MSI2: variants seen among roughly 807,000 people sequenced by gnomAD.
MSI2 encodes the protein RNA-binding protein Musashi homolog 2.
MSI2 carries 17 observed loss-of-function variants against 45.6 expected under a neutral mutation model. That is an observed-to-expected ratio of 0.37 (90% CI 0.26 to 0.56). The LOEUF is 0.56. Among genes scored for constraint, MSI2 ranks in the 20% least tolerant of loss-of-function variants. The pLI, the probability that MSI2 is intolerant of heterozygous loss-of-function variation, is 0.77. For synonymous variants in MSI2, 156 were observed against 158.2 expected, an observed-to-expected ratio of 0.99 and a Z score of 0.11; for missense variants, 293 against 444.2, an observed-to-expected ratio of 0.66 and a Z score of 3.06.
intron 6 of MSI2, among the ~76,000 whole-genome samples, chr17:57,443,532 A>G (rs1050042227): frequency 1.3e-5 from 2 of 152,182 alleles, no homozygotes; most frequent in African/African-American, 4.8e-5. Flanking sequence ...ACAGATCCAT[A>G]GAACACGGTT....
intron 5 of MSI2, among the ~76,000 whole-genome samples, chr17:57,282,835 C>CTTTTTTT (rs564440544): frequency 2.2e-5 from 2 of 92,750 alleles, no homozygotes; most frequent in Non-Finnish European, 2.0e-5. Context: ...GGGGGGCAGA[C>CTTTTTTT]TTTTTTTTTT....
At chr17:57,448,985 T>G (rs1171350408) in intron 6 of MSI2, 1 of 152,208 alleles carries the variant, frequency 6.6e-6, no homozygotes, top group Non-Finnish European at 1.5e-5. Flanking sequence ...GTAGTAAATG[T>G]TCAAATGTTT....
At position 57,596,729 on chromosome 17, in the gene MSI2, G is replaced by A. The variant is rs1372103599; in HGVS notation, c.455-139G>A. 3.1e-6 allele frequency: 2 copies of A among 639,046 alleles called. No individual in the cohort carries two copies. The highest frequency in any genetic ancestry group is 3.6e-5 in the African/African-American group (2 of 54,856). 39.6% of individuals were successfully genotyped at this position (639,046 alleles called of 1,614,324 possible). Reference sequence around the variant, plus strand: ...TAGAAATCATTGCCTCCAACCTCAAGGTCCTCCCAAGGATCCGCCTACCTA... The same window carrying A: ...TAGAAATCATTGCCTCCAACCTCAAAGTCCTCCCAAGGATCCGCCTACCTA... On this transcript the variant is annotated intron_variant, in intron 7 of 13. Coordinates refer to ENST00000284073, the MANE Select transcript of MSI2 (RefSeq NM_138962.4). The surrounding 1 kb of genome is among the most constrained non-coding windows in gnomAD (Gnocchi z 4.6).
At chr17:57,433,704 T>C (rs897093831) in intron 6 of MSI2, among the ~76,000 whole-genome samples, 1 of 152,202 alleles carries the variant, frequency 6.6e-6, no homozygotes, top group Non-Finnish European at 1.5e-5. Flanking sequence ...CAGACTTCCC[T>C]AATGCGGACC....
At chr17:57,618,600 G>A (rs142681542) in intron 9 of MSI2, among the ~76,000 whole-genome samples, 14 of 152,176 alleles carry the variant, frequency 9.2e-5, no homozygotes, top group East Asian at 1.9e-4. Flanking sequence ...CTGGAGTGCC[G>A]TGGCGCGATC....
rs771934372 is a variant in MSI2 at position 57,631,794 on chromosome 17, AT to A, written c.727+4494del. 3.7e-6 allele frequency: 6 copies of A among 1,612,636 alleles called. No homozygotes were observed. The East Asian group carries it at 1.3e-4, about 36-fold the overall frequency. On this transcript the variant is annotated intron_variant, in intron 10 of 13. Coordinates refer to ENST00000284073, the MANE Select transcript of MSI2 (RefSeq NM_138962.4). ...CTGTTCTTATTTCACTTTGCAGACTATTTGCCGGTTTCACAAGACATAATTT... is the reference window on the plus strand; with the variant it reads ...CTGTTCTTATTTCACTTTGCAGACTATTGCCGGTTTCACAAGACATAATTT...
rs59098048 is a variant in MSI2 at position 57,410,008 on chromosome 17, C to CAAAAAAAAAAAAAA, written c.405+8541_405+8554dup. On this transcript the variant is annotated intron_variant, in intron 6 of 13. Transcript: ENST00000284073. ...GGGTGACAGTGTGAGACTCTGTCTC[C>CAAAAAAAAAAAAAA]AAAAAAAAAAAAAAAAATGGGGAGT... Among the ~76,000 whole-genome samples, 139 of 61,632 alleles carry CAAAAAAAAAAAAAA rather than the reference C, an allele frequency of 2.3e-3. 10 individuals carry two copies. Among genetic ancestry groups the CAAAAAAAAAAAAAA allele is most frequent in the African/African-American group, 5.7e-3 (95 of 16,682 alleles). 40.4% of individuals were successfully genotyped at this position (61,632 alleles called of 152,430 possible). A position where few individuals can be genotyped will look rare whatever the true frequency, so the allele number is the denominator to read the frequency against.
intron 5 of MSI2, among the ~76,000 whole-genome samples, chr17:57,381,027 C>T (rs998808536): frequency 6.6e-6 from 1 of 152,096 alleles, no homozygotes; most frequent in African/African-American, 2.4e-5. Flanking sequence ...TTGGCCTGAC[C>T]TCCCTTTCTT....
At chr17:57,445,973 G>T (rs2084892565) in intron 6 of MSI2, among the ~76,000 whole-genome samples, 1 of 152,156 alleles carries the variant, frequency 6.6e-6, no homozygotes, top group Non-Finnish European at 1.5e-5. Context: ...ACTGTTCCGG[G>T]TATTGGGGAT....
intron 7 of MSI2, among the ~76,000 whole-genome samples, chr17:57,589,119 C>T (rs899699870): frequency 6.6e-6 from 1 of 152,132 alleles, no homozygotes; most frequent in Non-Finnish European, 1.5e-5. Context: ...TTACAAAGTC[C>T]ACATTGGCAC....
chr17:57,417,880 A>G lies in MSI2; in HGVS notation c.405+16409A>G, dbSNP rs75856103. ...CCCAAATCAAATGTATTGATTCTAG[A>G]TGCCTTTTTGTAAAGAGGCAATAAA... On this transcript the variant is annotated intron_variant, in intron 6 of 13. Transcript: ENST00000284073. Among the ~76,000 whole-genome samples, 631 of 152,280 alleles carry G rather than the reference A, an allele frequency of 4.1e-3. 6 individuals are homozygous for G. The highest frequency in any genetic ancestry group is 0.014 in the African/African-American group (590 of 41,540).
intron 4 of MSI2, among the ~76,000 whole-genome samples, chr17:57,260,522 GTATT>G (rs762976640): frequency 8.5e-5 from 13 of 152,064 alleles, no homozygotes; most frequent in African/African-American, 1.2e-4. Context: ...CCTCTGGGGA[GTATT>G]TATAAAAAGA....
At chr17:57,325,554 C>T (rs967968217) in intron 5 of MSI2, among the ~76,000 whole-genome samples, 5 of 152,204 alleles carry the variant, frequency 3.3e-5, no homozygotes, top group African/African-American at 9.6e-5. Flanking sequence ...CTTCTTGCAC[C>T]GGTTGCCCCC....
chr17:57,469,249 A>G (rs2085388401), intron 6 of MSI2, among the ~76,000 whole-genome samples: 1 of 152,214 alleles, frequency 6.6e-6, no homozygotes, highest in Non-Finnish European at 1.5e-5. Flanking sequence ...TTAAGAAAGG[A>G]GGTGCGAAGT....
chr17:57,450,279 GAAAGAA>G (rs2084981340), intron 6 of MSI2: 2 of 118,754 alleles, frequency 1.7e-5, no homozygotes, highest in African/African-American at 9.2e-5. Context: ...AAGAAAGAAA[GAAAGAA>G]AGAAAGAAAG....
chr17:57,380,074 G>A (rs2083572629), intron 5 of MSI2, among the ~76,000 whole-genome samples: 1 of 152,172 alleles, frequency 6.6e-6, no homozygotes, highest in Admixed American at 6.5e-5. Context: ...AGTTGTCACA[G>A]AGGTGCCGTG....
intron 5 of MSI2, among the ~76,000 whole-genome samples, chr17:57,346,349 G>GC (rs779101521): frequency 1.9e-4 from 9 of 46,302 alleles, no homozygotes; most frequent in Admixed American, 5.4e-4. Flanking sequence ...AACACATTTT[G>GC]GGGGGGGGGG....
At chr17:57,476,101 G>A (rs777287775) in intron 6 of MSI2, among the ~76,000 whole-genome samples, 1 of 152,162 alleles carries the variant, frequency 6.6e-6, no homozygotes, top group Non-Finnish European at 1.5e-5. Context: ...GGCACAAAAG[G>A]GCAGTTTAGC....
intron 6 of MSI2, among the ~76,000 whole-genome samples, chr17:57,428,942 G>T (rs915109181): frequency 1.3e-5 from 2 of 152,170 alleles, no homozygotes; most frequent in African/African-American, 4.8e-5. Context: ...CATTTGTGAT[G>T]CATTCTATGG....
Sources: allele counts gnomAD v4.1 joint callset (sites outside exome capture counted in the v4.1 genomes callset), GRCh38; gene constraint gnomAD v4.1.1; non-coding constraint Gnocchi (gnomAD v3.1); transcripts MANE v1.5; gene names NCBI Gene and HGNC (gene_info 2026-07-23, HGNC 2026-07-21).